SBNO1: variants seen among roughly 807,000 people sequenced by gnomAD.
SBNO1 encodes protein strawberry notch homolog 1.
In SBNO1, 23 loss-of-function variants were observed where a neutral mutation model predicts 173.6. The observed-to-expected ratio is 0.13, with a 90% confidence interval of 0.10 to 0.19. The LOEUF is 0.19. Among genes scored for constraint, SBNO1 ranks in the 10% least tolerant of loss-of-function variants. The pLI is 1.00. For synonymous variants in SBNO1, 632 were observed against 571.5 expected, an observed-to-expected ratio of 1.11 and a Z score of -1.51; for missense variants, 1,238 against 1,671.2, an observed-to-expected ratio of 0.74 and a Z score of 4.52.
intron 30 of SBNO1, among the ~76,000 whole-genome samples, chr12:123,299,681 CA>C (rs538218167): frequency 4.4e-4 from 41 of 93,890 alleles, no homozygotes; most frequent in African/African-American, 1.5e-3. Flanking sequence ...ACTCTGTCTT[CA>C]AAAAAAAAAA....
intron 1 of SBNO1, among the ~76,000 whole-genome samples, chr12:123,358,415 C>A (rs1176743331): frequency 1.3e-5 from 2 of 152,116 alleles, no homozygotes; most frequent in Non-Finnish European, 2.9e-5. Flanking sequence ...GTATCAAATG[C>A]TACCCATTAT....
Position 123,293,061 on chromosome 12 carries a change from G to A in SBNO1, c.*2847C>T, listed in dbSNP as rs1449710360. ...TTGACGCTGTAAACTCTGAAAACAC[G>A]AACATGATTTCCAACCAAATCTTTG... On this transcript the variant is annotated 3_prime_UTR_variant, in exon 32 of 32. Transcript: ENST00000602398. The A allele has an allele frequency of 2.0e-5, 3 of 152,180 alleles. No homozygotes were observed. The highest frequency in any genetic ancestry group is 2.9e-5 in the Non-Finnish European group (2 of 68,040). 9.4% of individuals were successfully genotyped at this position (152,180 alleles called of 1,614,324 possible).
intron 29 of SBNO1, among the ~76,000 whole-genome samples, chr12:123,303,754 G>A (rs527435801): frequency 2.0e-5 from 3 of 151,934 alleles, no homozygotes; most frequent in Admixed American, 2.0e-4. Context: ...CTAGCACTTT[G>A]GGAGGCAGAA....
intron 1 of SBNO1, among the ~76,000 whole-genome samples, chr12:123,355,450 AAAG>A (rs1566056393): frequency 6.6e-6 from 1 of 152,160 alleles, no homozygotes; most frequent in South Asian, 2.1e-4. Flanking sequence ...CTAAAAATAC[AAAG>A]AATAGCCAGG....
chr12:123,350,262 A>T, intron 2 of SBNO1, 48 bp downstream of exon 2: 1 of 1,604,678 alleles, frequency 6.2e-7, no homozygotes, highest in Non-Finnish European at 8.5e-7. Flanking sequence ...AAAAAAAAAT[A>T]CTGTAAGCGG....
intron 20 of SBNO1, among the ~76,000 whole-genome samples, chr12:123,318,446 T>A (rs1016553807): frequency 6.7e-6 from 1 of 150,144 alleles, no homozygotes; most frequent in Non-Finnish European, 1.5e-5. Context: ...ACAGAAAGAG[T>A]CTCTGGGCCA....
intron 6 of SBNO1, 69 bp from the exon 7 acceptor site, chr12:123,334,282 G>A (rs974455552): frequency 4.0e-5 from 37 of 931,492 alleles, no homozygotes; most frequent in Non-Finnish European, 5.6e-5. Context: ...TTCATTATAA[G>A]ATATTTCAAT....
chr12:123,325,705 C>G, intron 14 of SBNO1, 106 bp from the exon 15 acceptor site: 1 of 775,550 alleles, frequency 1.3e-6, no homozygotes. Context: ...ACAAGAATGT[C>G]CTCATTATTA....
At chr12:123,360,909 G>C (rs954446101) in intron 1 of SBNO1, among the ~76,000 whole-genome samples, 12 of 151,972 alleles carry the variant, frequency 7.9e-5, no homozygotes, top group Non-Finnish European at 1.5e-4. Context: ...TCAGGAGATC[G>C]AGACCATCCT....
Position 123,290,546 on chromosome 12 carries a change from G to C in SBNO1, c.*5362C>G, listed in dbSNP as rs2138846726. 1 of 152,208 alleles carries C rather than the reference G, an allele frequency of 6.6e-6. No homozygotes were observed. Among genetic ancestry groups the C allele is most frequent in the South Asian group, 2.1e-4 (1 of 4,820 alleles). 9.4% of individuals were successfully genotyped at this position (152,208 alleles called of 1,614,324 possible). ...ACGCCTCGATCCCGCTCTGCTTCTA[G>C]GCTTACGGCTGATGTAGACAAGATC... is the stretch of plus-strand genomic sequence containing the variant. On this transcript the variant is annotated 3_prime_UTR_variant, in exon 32 of 32. Coordinates refer to ENST00000602398, the MANE Select transcript of SBNO1 (RefSeq NM_001167856.3).
rs1872999702 is a variant in SBNO1, at chr12:123,345,285, T to A, written c.523A>T (p.Ile175Phe). The A allele has an allele frequency of 6.2e-7, 1 of 1,613,940 alleles. No individual in the cohort carries two copies. The change falls in exon 4 of 32, where the codon ATT becomes TTT. Residue 175 changes from isoleucine (I) to phenylalanine (F), a missense_variant. By Grantham distance (21) the Ile-to-Phe change is conservative. Around this residue, in one of 14 missense-constraint regions of SBNO1, gnomAD observed 287 missense variants for 274.1 expected, o/e 1.05. Coordinates refer to ENST00000602398, the MANE Select transcript of SBNO1 (RefSeq NM_001167856.3). The stretch of plus-strand genomic sequence containing the variant: ...GCTGCTGTTGCTACTGGCTGAGCAA[T>A]ATTAGCAGGTGGCTTTAGTTTCATC... Reference protein sequence around the residue: ...ELMKLKPPANIAQPVATAATD... With the variant: ...ELMKLKPPANFAQPVATAATD...
chr12:123,364,537 G>T (rs929739849), intron 1 of SBNO1, 164 bp downstream of exon 1: 1 of 983,662 alleles, frequency 1.0e-6, no homozygotes, highest in Middle Eastern at 5.2e-4. Flanking sequence ...CGAGGGCCCC[G>T]GAGCGCGCGG....
chr12:123,299,604 C>T (rs1460828801), intron 30 of SBNO1, among the ~76,000 whole-genome samples: 1 of 147,144 alleles, frequency 6.8e-6, no homozygotes, highest in African/African-American at 2.5e-5. Context: ...TGGCGTAAAC[C>T]TCAGAGGCGG....
intron 25 of SBNO1, 125 bp from the exon 26 acceptor site, chr12:123,309,981 CACA>C (rs1422733657): frequency 4.2e-6 from 3 of 707,520 alleles, no homozygotes; most frequent in East Asian, 2.7e-5. Context: ...ACACTGTCCT[CACA>C]ACAAGGCTGT....
At chr12:123,345,667 G>T in intron 3 of SBNO1, 97 bp from the exon 4 acceptor site, 1 of 1,047,176 alleles carries the variant, frequency 9.5e-7, no homozygotes, top group Non-Finnish European at 1.4e-6. Context: ...AATCTAAAAT[G>T]CACTTTTATT....
At chr12:123,340,581 CAAAAAA>C (rs752794679) in intron 5 of SBNO1, among the ~76,000 whole-genome samples, 1 of 46,818 alleles carries the variant, frequency 2.1e-5, no homozygotes, top group Non-Finnish European at 4.0e-5. Flanking sequence ...GACTCTGTCT[CAAAAAA>C]AAAAAAAAAA....
In SBNO1 at chr12:123,321,748, A is replaced by C; in HGVS notation, c.2126-16T>G. On this transcript the variant is annotated splice_polypyrimidine_tract_variant and intron_variant, in intron 16 of 31. Coordinates refer to ENST00000602398, the MANE Select transcript of SBNO1 (RefSeq NM_001167856.3). ...ATTTCTTCACCTACCCTCCGCCACAAACAAGAGAGTCAGCCCAAATTCAAT... is the reference window on the plus strand; with the variant it reads ...ATTTCTTCACCTACCCTCCGCCACACACAAGAGAGTCAGCCCAAATTCAAT... 6.2e-7 allele frequency: 1 copy of C among 1,609,532 alleles called. No homozygotes were observed. Among genetic ancestry groups the C allele is most frequent in the East Asian group, 2.2e-5 (1 of 44,860 alleles).
intron 13 of SBNO1, among the ~76,000 whole-genome samples, chr12:123,326,798 G>A (rs1035277956): frequency 6.6e-6 from 1 of 152,020 alleles, no homozygotes; most frequent in African/African-American, 2.4e-5. Context: ...ACATTGACAT[G>A]CGCCTGCAGT....
chr12:123,316,171 T>C (rs1327781384), intron 21 of SBNO1, among the ~76,000 whole-genome samples: 3 of 152,172 alleles, frequency 2.0e-5, no homozygotes, highest in African/African-American at 4.8e-5. Context: ...AGTATATATA[T>C]AACACTCCTT....
Sources: gnomAD v4.1 joint callset for allele counts (sites outside exome capture counted in the v4.1 genomes callset) on GRCh38, gnomAD v4.1.1 for gene constraint, gnomAD v4.1.1 regional missense constraint, MANE v1.5 for transcripts, NCBI Gene and HGNC (gene_info 2026-07-23, HGNC 2026-07-21) for gene names.